KLHL18: variants seen among roughly 807,000 people sequenced by gnomAD.
KLHL18 encodes the protein kelch like family member 18, also known as kelch-like protein 18.
Under a neutral mutation model 58.5 loss-of-function variants are expected in KLHL18, and 38 were observed. The ratio of observed to expected loss-of-function variants is 0.65; its 90% CI spans 0.50 to 0.85. The LOEUF (loss-of-function observed/expected upper bound fraction) is 0.85, where lower values mean the gene tolerates loss of function less well. Ranked by LOEUF, KLHL18 falls within the 40% of genes least tolerant of loss-of-function variation. KLHL18 has a pLI of 0.00. For missense variants in KLHL18, 624 were observed against 778.4 expected (o/e 0.80, Z 2.36); for synonymous variants, 303 against 301.9 (o/e 1.00, Z -0.04).
chr3:47,310,836 CT>C lies in KLHL18; in HGVS notation c.130-8814del, dbSNP rs1466417690. 3.3e-5 allele frequency among the ~76,000 whole-genome samples: 5 copies of C among 152,242 alleles called. No individual in the cohort carries two copies. In the East Asian group the frequency reaches 7.7e-4, roughly 23 times the overall value. On this transcript the variant is annotated intron_variant, in intron 1 of 9. Transcript: ENST00000232766. ...TTTCCTGAGTCTGACTTCTTTTCTC[CT>C]TTCCCACTGCCACCATCCAGGCCGA... is the stretch of plus-strand genomic sequence containing the variant.
At chr3:47,285,747 A>T (rs1702661070) in intron 1 of KLHL18, among the ~76,000 whole-genome samples, 5 of 152,130 alleles carry the variant, frequency 3.3e-5, no homozygotes, top group Admixed American at 6.5e-5. Flanking sequence ...TCAAAGGGAC[A>T]AGTAAATTAT....
intron 1 of KLHL18, among the ~76,000 whole-genome samples, chr3:47,302,452 T>G (rs958025504): frequency 2.0e-5 from 3 of 152,112 alleles, no homozygotes; most frequent in Admixed American, 6.5e-5. Flanking sequence ...GCCACTGCAC[T>G]CCAGCATGGC....
chr3:47,322,966 C>G (rs867164437), intron 3 of KLHL18, among the ~76,000 whole-genome samples: 23 of 152,334 alleles, frequency 1.5e-4, no homozygotes, highest in Middle Eastern at 3.4e-3. Flanking sequence ...TGTTCCTCCC[C>G]CTCCGATCTC....
At chr3:47,292,384 G>T (rs1702807795) in intron 1 of KLHL18, among the ~76,000 whole-genome samples, 1 of 151,716 alleles carries the variant, frequency 6.6e-6, no homozygotes, top group Non-Finnish European at 1.5e-5. Context: ...TGAGGCGGGA[G>T]AATTGCTTGA....
intron 1 of KLHL18, among the ~76,000 whole-genome samples, chr3:47,314,293 C>T (rs1703372861): frequency 6.6e-6 from 1 of 151,908 alleles, no homozygotes; most frequent in African/African-American, 2.4e-5. Flanking sequence ...AACCACTGTG[C>T]CCAGCAAAAA....
chr3:47,341,834 G>A (rs1468388295), intron 8 of KLHL18, among the ~76,000 whole-genome samples: 1 of 148,814 alleles, frequency 6.7e-6, no homozygotes, highest in African/African-American at 2.5e-5. Flanking sequence ...AAGGCAGGAA[G>A]GTAACTTGAG....
chr3:47,334,581 G>A lies in KLHL18; in HGVS notation c.762-102G>A. On this transcript the variant is annotated intron_variant, in intron 5 of 9. Coordinates refer to ENST00000232766, the MANE Select transcript of KLHL18 (RefSeq NM_025010.5). This position sits in a 1 kb window ranked among gnomAD's most constrained non-coding sequence, Gnocchi z 4.7. ...ACCTTCCAGAAGGCTTCTCCTCCCA[G>A]GTTTCCCCTGCAGTTGGCAGTGGAG... is the stretch of plus-strand genomic sequence containing the variant. The A allele has an allele frequency of 1.4e-6, 2 of 1,390,450 alleles. No individual in the cohort carries two copies. The highest frequency in any genetic ancestry group is 2.0e-6 in the Non-Finnish European group (2 of 998,492). The allele number at this position is 1,390,450 out of a possible 1,614,324, so 86.1% of individuals were successfully genotyped here.
At chr3:47,293,658 A>G (rs2107582382) in intron 1 of KLHL18, among the ~76,000 whole-genome samples, 1 of 152,324 alleles carries the variant, frequency 6.6e-6, no homozygotes, top group Middle Eastern at 3.4e-3. Context: ...TATTTTGAGG[A>G]CCAGCAAAAC....
At chr3:47,297,835 G>GGA (rs1702928661) in intron 1 of KLHL18, among the ~76,000 whole-genome samples, 2 of 152,166 alleles carry the variant, frequency 1.3e-5, no homozygotes, top group Non-Finnish European at 2.9e-5. Flanking sequence ...CAGCCTGGAT[G>GGA]GAGAGACATT....
chr3:47,297,842 C>T (rs1702928848), intron 1 of KLHL18, among the ~76,000 whole-genome samples: 1 of 152,128 alleles, frequency 6.6e-6, no homozygotes, highest in South Asian at 2.1e-4. Context: ...GATGGAGAGA[C>T]ATTCATTAGG....
intron 1 of KLHL18, among the ~76,000 whole-genome samples, chr3:47,300,637 C>CTTTTTTTTTTTTT (rs10687949): frequency 1.0e-4 from 8 of 76,940 alleles, no homozygotes; most frequent in Admixed American, 4.5e-4. Context: ...CATTGTGATT[C>CTTTTTTTTTTTTT]TTTTTTTTTT....
intron 1 of KLHL18, among the ~76,000 whole-genome samples, chr3:47,306,377 A>G (rs893539219): frequency 7.2e-5 from 11 of 152,164 alleles, no homozygotes; most frequent in African/African-American, 2.7e-4. Context: ...TGCATAATGC[A>G]AATATCATTG....
chr3:47,325,174 C>CT (rs1270336651), intron 3 of KLHL18, among the ~76,000 whole-genome samples: 11 of 151,780 alleles, frequency 7.2e-5, no homozygotes, highest in East Asian at 1.9e-4. Flanking sequence ...GCATCATTTT[C>CT]TTTTTTTTCT....
chr3:47,301,487 C>G (rs1470322035), intron 1 of KLHL18, among the ~76,000 whole-genome samples: 1 of 152,092 alleles, frequency 6.6e-6, no homozygotes, highest in African/African-American at 2.4e-5. Context: ...AAACTCTTTT[C>G]TCCATCTAAA....
intron 1 of KLHL18, among the ~76,000 whole-genome samples, chr3:47,300,414 TA>T: frequency 6.7e-6 from 1 of 148,318 alleles, no homozygotes; most frequent in East Asian, 1.9e-4. Flanking sequence ...TGTGTGTATA[TA>T]TATATATTTA....
intron 1 of KLHL18, among the ~76,000 whole-genome samples, chr3:47,300,631 G>A (rs1284104467): frequency 3.0e-5 from 1 of 33,744 alleles, no homozygotes; most frequent in Non-Finnish European, 6.2e-5. Context: ...GTATCTCATT[G>A]TGATTCTTTT....
At chr3:47,292,904 CAAA>C (rs35830922) in intron 1 of KLHL18, among the ~76,000 whole-genome samples, 196 of 109,310 alleles carry the variant, frequency 1.8e-3, no homozygotes, top group African/African-American at 4.5e-3. Context: ...GACCCTGTCT[CAAA>C]AAAAAAAAAA....
intron 1 of KLHL18, among the ~76,000 whole-genome samples, chr3:47,305,680 G>T (rs1703130205): frequency 6.6e-6 from 1 of 151,694 alleles, no homozygotes; most frequent in Non-Finnish European, 1.5e-5. Context: ...TTTAAAATTG[G>T]TATTAATTCT....
At chr3:47,342,567 CA>C (rs1015239867) in intron 8 of KLHL18, 151 bp from the exon 9 acceptor site, 2 of 632,850 alleles carry the variant, frequency 3.2e-6, no homozygotes, top group African/African-American at 3.7e-5. Context: ...TGAGAGGCGG[CA>C]GCCAGGGAGA....
Sources: allele counts gnomAD v4.1 joint callset (sites outside exome capture counted in the v4.1 genomes callset), GRCh38; gene constraint gnomAD v4.1.1; non-coding constraint Gnocchi (gnomAD v3.1); transcripts MANE v1.5; gene names NCBI Gene and HGNC (gene_info 2026-07-23, HGNC 2026-07-21).